The following PAH variants were observed in gnomAD, a reference collection of about 807,000 sequenced individuals.
PAH encodes phenylalanine-4-hydroxylase.
PAH carries 64 observed loss-of-function variants against 62.0 expected under a neutral mutation model. The ratio of observed to expected loss-of-function variants is 1.03; its 90% CI spans 0.84 to 1.27. The LOEUF is 1.27. PAH is among the 50% of genes most tolerant of loss of function. The pLI, the probability that PAH is intolerant of heterozygous loss-of-function variation, is 0.00. For synonymous variants in PAH, 195 were observed against 196.2 expected (o/e 0.99, Z 0.05); for missense variants, 579 against 542.8 (o/e 1.07, Z -0.66).
At chr12:102,931,245 A>T (rs1252423537) in intron 1 of PAH, among the ~76,000 whole-genome samples, 1 of 152,210 alleles carries the variant, frequency 6.6e-6, no homozygotes, top group Non-Finnish European at 1.5e-5. Flanking sequence ...CCAAAGTTTT[A>T]TAAGCCACAG....
intron 3 of PAH, among the ~76,000 whole-genome samples, chr12:102,878,476 C>G (rs1166422546): frequency 6.6e-6 from 1 of 152,018 alleles, no homozygotes; most frequent in African/African-American, 2.4e-5. Flanking sequence ...GTGGCAGCAC[C>G]GACATCCCTG....
chr12:102,909,802 T>C (rs1463801939), intron 2 of PAH, among the ~76,000 whole-genome samples: 1 of 151,936 alleles, frequency 6.6e-6, no homozygotes, highest in Non-Finnish European at 1.5e-5. Flanking sequence ...CTACTAAAAT[T>C]ATAAAAATTA....
At chr12:102,877,232 T>C (rs942340516) in intron 4 of PAH, 33 of 577,368 alleles carry the variant, frequency 5.7e-5, no homozygotes, top group Admixed American at 2.6e-5. Context: ...ATAGAGACAA[T>C]AGTTTCTGGA....
chr12:102,890,396 T>G (rs1877228099), intron 3 of PAH, among the ~76,000 whole-genome samples: 1 of 152,204 alleles, frequency 6.6e-6, no homozygotes, highest in South Asian at 2.1e-4. Flanking sequence ...AAGGAATGGT[T>G]GTTCCCCTTA....
upstream of PAH, among the ~76,000 whole-genome samples, chr12:102,922,146 C>T (rs1302572068): frequency 6.6e-6 from 1 of 150,980 alleles, no homozygotes; most frequent in Non-Finnish European, 1.5e-5. Flanking sequence ...TTCCTTCCCT[C>T]CTTTTCTTAC....
intron 3 of PAH, among the ~76,000 whole-genome samples, chr12:102,893,775 G>GA (rs1877378508): frequency 6.6e-6 from 1 of 152,200 alleles, no homozygotes; most frequent in Non-Finnish European, 1.5e-5. Flanking sequence ...TTCCTCCCCG[G>GA]AGGATGAGTA....
At chr12:102,923,104 C>G (rs1878597054) in intron 1 of PAH, among the ~76,000 whole-genome samples, 2 of 152,166 alleles carry the variant, frequency 1.3e-5, no homozygotes, top group African/African-American at 2.4e-5. Flanking sequence ...TACAGAAAGA[C>G]CAGACATCAC....
In PAH at chr12:102,912,885, A is replaced by G. The variant is rs1355039694; in HGVS notation, c.74T>C (p.Ile25Thr). 1.7e-5 allele frequency: 28 copies of G among 1,610,482 alleles called. No homozygotes were observed. In the Admixed American group the frequency reaches 3.0e-4, roughly 17 times the overall value. The change falls in exon 2 of 13, where the codon ATT (isoleucine) becomes ACT (threonine). Residue 25 changes from isoleucine to threonine, a missense_variant. Coordinates refer to ENST00000553106, the MANE Select transcript of PAH (RefSeq NM_000277.3). ...ACCATTTTGATTGCAGTTGTCTTCA[A>G]TATAGCTTGTTTCCTACAGGATAAG... ...LSDFGQETSY[I>T]EDNCNQNGAI...
chr12:102,904,011 A>G (rs1877873198), intron 2 of PAH, among the ~76,000 whole-genome samples: 1 of 152,178 alleles, frequency 6.6e-6, no homozygotes, highest in South Asian at 2.1e-4. Flanking sequence ...AGCACTACAG[A>G]AAATGTTTAA....
intron 1 of PAH, among the ~76,000 whole-genome samples, chr12:102,930,892 TTG>T (rs1270579955): frequency 6.6e-6 from 1 of 152,190 alleles, no homozygotes; most frequent in African/African-American, 2.4e-5. Context: ...TTCAGTATAT[TTG>T]TGTGTGAAGC....
rs765533320 is a variant in PAH, at chr12:102,852,900, C to T, written c.757G>A (p.Asp253Asn). ...CGGAAGGCCAGGCCACCCAAGAAAT[C>T]CCGAGAGGAAAGCAGGCCAGCCACA... ...RPVAGLLSSR[D>N]FLGGLAFRVF... is the part of the protein sequence containing the mutation. The change falls in exon 7 of 13, where the codon GAT becomes AAT. Residue 253 changes from aspartate (D) to asparagine (N), a missense_variant. Physicochemically the swap from Asp to Asn is conservative, Grantham distance 23. Transcript: ENST00000553106. The T allele has an allele frequency of 1.4e-5, 22 of 1,614,032 alleles. No homozygotes were observed. Among genetic ancestry groups the T allele is most frequent in the Non-Finnish European group, 1.9e-5 (22 of 1,180,006 alleles).
chr12:102,952,645 GAA>G (rs1377649271), upstream of PAH, among the ~76,000 whole-genome samples: 1 of 152,158 alleles, frequency 6.6e-6, no homozygotes, highest in African/African-American at 2.4e-5. Flanking sequence ...CTTATTTGGA[GAA>G]CTTCAAAAGG....
At chr12:102,935,044 G>A (rs769148119) in intron 1 of PAH, among the ~76,000 whole-genome samples, 2 of 151,698 alleles carry the variant, frequency 1.3e-5, no homozygotes, top group African/African-American at 2.4e-5. Context: ...GTCATATATG[G>A]CTTTTATTGT....
At chr12:102,862,755 TC>T (rs1386746653) in intron 5 of PAH, among the ~76,000 whole-genome samples, 1 of 152,122 alleles carries the variant, frequency 6.6e-6, no homozygotes, top group African/African-American at 2.4e-5. Context: ...GAATTATGGA[TC>T]ATCATTAGGC....
At chr12:102,843,573 C>T in intron 11 of PAH, 73 bp downstream of exon 11, 1 of 1,545,424 alleles carries the variant, frequency 6.5e-7, no homozygotes, top group East Asian at 2.3e-5. Context: ...CTCTCCTGGC[C>T]AACCACCCAC....
upstream of PAH, among the ~76,000 whole-genome samples, chr12:102,954,296 G>T (rs1217737520): frequency 6.6e-6 from 1 of 152,218 alleles, no homozygotes; most frequent in Non-Finnish European, 1.5e-5. Flanking sequence ...ACCCCTAGGT[G>T]CTGGGACAGT....
chr12:102,948,316 A>G (rs956737266), intron 1 of PAH, among the ~76,000 whole-genome samples: 8 of 152,188 alleles, frequency 5.3e-5, no homozygotes, highest in African/African-American at 1.7e-4. Flanking sequence ...AGGATGAGGA[A>G]GAATCAGAGG....
Position 102,885,445 on chromosome 12 carries a change from G to A in PAH, c.353-7895C>T, listed in dbSNP as rs555961788. Reference sequence around the variant, plus strand: ...CCCCTTAACAGCCTCTCCGGCGGGCGGCTGGGCTCCGCGGTTAATGAATGA... The same window carrying A: ...CCCCTTAACAGCCTCTCCGGCGGGCAGCTGGGCTCCGCGGTTAATGAATGA... On this transcript the variant is annotated intron_variant, in intron 3 of 12. Coordinates refer to ENST00000553106, the MANE Select transcript of PAH (RefSeq NM_000277.3). Among the ~76,000 whole-genome samples the A allele has an allele frequency of 1.3e-3, 201 of 152,298 alleles. 4 individuals carry two copies. Among genetic ancestry groups the A allele is most frequent in the Admixed American group, 0.011 (164 of 15,302 alleles).
intron 1 of PAH, among the ~76,000 whole-genome samples, chr12:102,943,485 T>G (rs1456496856): frequency 6.6e-6 from 1 of 152,138 alleles, no homozygotes; most frequent in African/African-American, 2.4e-5. Context: ...AGTAAATTAG[T>G]TTAGCCACTG....
Sources: allele counts gnomAD v4.1 joint callset (sites outside exome capture counted in the v4.1 genomes callset), GRCh38; gene constraint gnomAD v4.1.1; transcripts MANE v1.5; gene names NCBI Gene and HGNC (gene_info 2026-07-23, HGNC 2026-07-21).